TENM2: variants seen among roughly 807,000 people sequenced by gnomAD.
TENM2 encodes the protein teneurin transmembrane protein 2.
A neutral mutation model predicts 245.2 loss-of-function variants in TENM2; 52 were observed. The ratio of observed to expected loss-of-function variants is 0.21; its 90% CI spans 0.17 to 0.27. The LOEUF is 0.27. TENM2 is among the 10% of genes least tolerant of loss of function. TENM2 has a pLI of 1.00. For synonymous variants in TENM2, 1,363 were observed against 1,438.9 expected (o/e 0.95, Z 1.19); for missense variants, 3,046 against 3,666.8 (o/e 0.83, Z 4.37).
chr5:167,911,592 G>A (rs749221487), intron 3 of TENM2, among the ~76,000 whole-genome samples: 2 of 152,174 alleles, frequency 1.3e-5, no homozygotes, highest in African/African-American at 2.4e-5. Context: ...TATCTCTTGG[G>A]CACCTACCCT....
At chr5:167,343,630 G>A (rs1408248008) in intron 1 of TENM2, among the ~76,000 whole-genome samples, 1 of 152,080 alleles carries the variant, frequency 6.6e-6, no homozygotes, top group Non-Finnish European at 1.5e-5. Context: ...GTCTGCCCAG[G>A]TGTTAGGAAA....
the TENM2 span, among the ~76,000 whole-genome samples, chr5:167,179,815 C>A: frequency 2.6e-5 from 4 of 152,064 alleles, no homozygotes; most frequent in Non-Finnish European, 5.9e-5. Context: ...CGTTGGTCAC[C>A]CTGTGGTTTG....
intron 3 of TENM2, among the ~76,000 whole-genome samples, chr5:167,880,193 T>G (rs1313456298): frequency 6.6e-6 from 1 of 151,944 alleles, no homozygotes; most frequent in African/African-American, 2.4e-5. Flanking sequence ...CCACCATACT[T>G]GGCTAATTTT....
chr5:167,010,929 C>G, the TENM2 span, among the ~76,000 whole-genome samples: 1 of 152,046 alleles, frequency 6.6e-6, no homozygotes, highest in African/African-American at 2.4e-5. Context: ...AATATTACAC[C>G]GTTTATAGCC....
At chr5:167,340,898 A>C (rs1321937350) in intron 1 of TENM2, among the ~76,000 whole-genome samples, 1 of 151,956 alleles carries the variant, frequency 6.6e-6, no homozygotes, top group East Asian at 1.9e-4. Flanking sequence ...TTTTTTTTGT[A>C]ACTTATTTCA....
the TENM2 span, among the ~76,000 whole-genome samples, chr5:167,044,195 A>T: frequency 6.6e-6 from 1 of 152,166 alleles, no homozygotes; most frequent in Non-Finnish European, 1.5e-5. Context: ...AAGTGCCCGC[A>T]CTGTGACTAA....
At chr5:168,099,427 G>T (rs1173204779) in intron 9 of TENM2, among the ~76,000 whole-genome samples, 1 of 152,104 alleles carries the variant, frequency 6.6e-6, no homozygotes, top group Non-Finnish European at 1.5e-5. Flanking sequence ...GAAAAGTGGG[G>T]AGTTACTTCC....
chr5:167,203,593 C>T, the TENM2 span, among the ~76,000 whole-genome samples: 1 of 152,062 alleles, frequency 6.6e-6, no homozygotes, highest in African/African-American at 2.4e-5. Context: ...GCAAAGTCCT[C>T]TGCATTTTAA....
At chr5:167,771,690 G>A (rs1009185591) in intron 2 of TENM2, among the ~76,000 whole-genome samples, 12 of 152,082 alleles carry the variant, frequency 7.9e-5, no homozygotes, top group African/African-American at 2.7e-4. Flanking sequence ...TGATGGCTTC[G>A]CTAATTTCAC....
intron 1 of TENM2, among the ~76,000 whole-genome samples, chr5:167,361,698 T>C (rs551525918): frequency 6.6e-6 from 1 of 152,340 alleles, no homozygotes; most frequent in African/African-American, 2.4e-5. Flanking sequence ...TTTCAGTGGA[T>C]AGTGTGAAGA....
At chr5:167,547,175 T>C (rs894715639) in intron 2 of TENM2, among the ~76,000 whole-genome samples, 1 of 152,302 alleles carries the variant, frequency 6.6e-6, no homozygotes, top group Non-Finnish European at 1.5e-5. Context: ...AACCTCCACC[T>C]ACCAGGTTCA....
the TENM2 span, among the ~76,000 whole-genome samples, chr5:167,011,554 C>T: frequency 6.6e-6 from 1 of 152,178 alleles, no homozygotes; most frequent in African/African-American, 2.4e-5. Context: ...GAGCATGAGG[C>T]TCTAGCTCAT....
At chr5:167,858,172 A>G (rs999863450) in intron 2 of TENM2, among the ~76,000 whole-genome samples, 6 of 152,244 alleles carry the variant, frequency 3.9e-5, no homozygotes, top group African/African-American at 1.4e-4. Context: ...CCCATCTTCT[A>G]AGGCTTATTT....
At chr5:168,226,347 C>A in intron 24 of TENM2, 84 bp downstream of exon 26, 3 of 1,321,256 alleles carry the variant, frequency 2.3e-6, no homozygotes, top group Non-Finnish European at 3.1e-6. Flanking sequence ...AGTTATGCAG[C>A]CTGGGAGGAC....
intron 13 of TENM2, among the ~76,000 whole-genome samples, chr5:168,174,747 G>C (rs549814302): frequency 6.6e-6 from 1 of 152,324 alleles, no homozygotes; most frequent in Admixed American, 6.5e-5. Context: ...TCCTGAGGCG[G>C]TGGCCACTTC....
At chr5:168,213,907 C>T (rs1762979985) in intron 20 of TENM2, among the ~76,000 whole-genome samples, 1 of 152,168 alleles carries the variant, frequency 6.6e-6, no homozygotes, top group South Asian at 2.1e-4. Flanking sequence ...GGCAGAAAGG[C>T]AATTACTGTT....
chr5:168,147,535 C>G (rs978005116), intron 12 of TENM2, among the ~76,000 whole-genome samples: 2 of 152,196 alleles, frequency 1.3e-5, no homozygotes, highest in African/African-American at 4.8e-5. Flanking sequence ...CAAAATGATT[C>G]CAATTTTATC....
At chr5:168,143,974 C>T (rs983601006) in intron 12 of TENM2, among the ~76,000 whole-genome samples, 3 of 151,180 alleles carry the variant, frequency 2.0e-5, no homozygotes, top group Admixed American at 2.0e-4. Flanking sequence ...CTCAGCCTCC[C>T]GAGTAGCTGG....
At chr5:167,750,817 T>C (rs1254285869) in intron 2 of TENM2, among the ~76,000 whole-genome samples, 2 of 152,182 alleles carry the variant, frequency 1.3e-5, no homozygotes, top group Non-Finnish European at 2.9e-5. Context: ...TAGCATAACA[T>C]GGCTGTTTAG....
Sources: gnomAD v4.1 joint callset for allele counts (sites outside exome capture counted in the v4.1 genomes callset) on GRCh38, gnomAD v4.1.1 for gene constraint, MANE v1.5 for transcripts, NCBI Gene and HGNC (gene_info 2026-07-23, HGNC 2026-07-21) for gene names.